NTN1: variants seen among roughly 807,000 people sequenced by gnomAD.
NTN1 encodes the protein netrin 1, also known as netrin-1.
NTN1 carries 11 observed loss-of-function variants against 54.2 expected under a neutral mutation model. That is an observed-to-expected ratio of 0.20 (90% CI 0.13 to 0.34). The LOEUF is 0.34. NTN1 is among the 10% of genes least tolerant of loss of function. The probability of loss-of-function intolerance (pLI) is 1.00; values close to 1 mark genes in which losing one functional copy is unlikely to be tolerated. For missense variants in NTN1, 740 were observed against 893.1 expected, an observed-to-expected ratio of 0.83 and a Z score of 2.18; for synonymous variants, 371 against 382.0, an observed-to-expected ratio of 0.97 and a Z score of 0.33.
At chr17:9,105,028 G>A (rs1389315362) in intron 2 of NTN1, among the ~76,000 whole-genome samples, 2 of 152,172 alleles carry the variant, frequency 1.3e-5, no homozygotes, top group African/African-American at 4.8e-5. Context: ...GTGGGAGCAG[G>A]CTGCTGGCCA....
chr17:9,167,450 C>T (rs140902614), intron 3 of NTN1, among the ~76,000 whole-genome samples: 3 of 152,228 alleles, frequency 2.0e-5, no homozygotes, highest in East Asian at 1.9e-4. Context: ...TCCCGTGAAC[C>T]GAATTGTGAT....
intron 2 of NTN1, among the ~76,000 whole-genome samples, chr17:9,054,817 G>A (rs952361643): frequency 2.0e-5 from 3 of 152,142 alleles, no homozygotes; most frequent in African/African-American, 4.8e-5. Context: ...CACAGCGAAA[G>A]CTTTGGGATG....
At chr17:9,081,239 C>T (rs1167872207) in intron 2 of NTN1, among the ~76,000 whole-genome samples, 3 of 152,164 alleles carry the variant, frequency 2.0e-5, no homozygotes, top group Non-Finnish European at 4.4e-5. Flanking sequence ...AAAAAATTCC[C>T]TCACACTTCT....
rs1434445705 is a variant in NTN1 at position 9,239,114 on chromosome 17, A to T, written c.1487-526A>T. ...GGGCTCTGGAAAAGGCACTACGGCC[A>T]CCCCAAAGGGTGGGTTCTCATCTTC... On this transcript the variant is annotated intron_variant, in intron 6 of 6. Transcript: ENST00000173229. The surrounding 1 kb of genome is among the most constrained non-coding windows in gnomAD (Gnocchi z 5.2). 6.6e-6 allele frequency among the ~76,000 whole-genome samples: 1 copy of T among 152,164 alleles called. No individual in the cohort carries two copies. The highest frequency in any genetic ancestry group is 1.5e-5 in the Non-Finnish European group (1 of 68,018).
chr17:9,223,662 G>T (rs1204266707), intron 6 of NTN1, among the ~76,000 whole-genome samples: 2 of 152,198 alleles, frequency 1.3e-5, no homozygotes, highest in African/African-American at 2.4e-5. Context: ...TGGGCCATGG[G>T]GCAGGCCTCT....
At chr17:9,234,372 G>A (rs1395960302) in intron 6 of NTN1, among the ~76,000 whole-genome samples, 2 of 152,220 alleles carry the variant, frequency 1.3e-5, no homozygotes, top group Admixed American at 6.5e-5. Context: ...CTGCACAGAC[G>A]AGGGGTGGCC....
intron 2 of NTN1, among the ~76,000 whole-genome samples, chr17:9,024,646 A>G (rs1597461500): frequency 6.6e-6 from 1 of 152,286 alleles, no homozygotes; most frequent in East Asian, 1.9e-4. Flanking sequence ...GAGCAAGGGA[A>G]TGGAAAACAT....
At chr17:9,130,947 G>T (rs1277092477) in intron 2 of NTN1, among the ~76,000 whole-genome samples, 1 of 152,186 alleles carries the variant, frequency 6.6e-6, no homozygotes, top group Non-Finnish European at 1.5e-5. Context: ...ACACCAGGGA[G>T]TTTGCTCTGT....
intron 2 of NTN1, among the ~76,000 whole-genome samples, chr17:9,114,166 A>AAAAAAAAAAATATATATATATATAT (rs1555569108): frequency 1.3e-5 from 1 of 74,658 alleles, no homozygotes; most frequent in Non-Finnish European, 2.5e-5. Flanking sequence ...AAAAAAAAAA[A>AAAAAAAAAAATATATATATATATAT]ATATATATAT....
chr17:9,032,867 G>A (rs945186237), intron 2 of NTN1, among the ~76,000 whole-genome samples: 18 of 152,078 alleles, frequency 1.2e-4, no homozygotes, highest in African/African-American at 4.1e-4. Flanking sequence ...GCTCAGAACC[G>A]GGAGAGAATT....
At chr17:9,205,518 G>T (rs1201164457) in intron 5 of NTN1, among the ~76,000 whole-genome samples, 1 of 152,234 alleles carries the variant, frequency 6.6e-6, no homozygotes, top group Non-Finnish European at 1.5e-5. Flanking sequence ...TCCTAGCTAC[G>T]TGGGAGGCTA....
At chr17:9,183,397 T>TG in intron 5 of NTN1, 1 of 450,138 alleles carries the variant, frequency 2.2e-6, no homozygotes, top group South Asian at 1.7e-5. Context: ...GAGCTGGGCG[T>TG]GGGGGAGAAT....
intron 2 of NTN1, among the ~76,000 whole-genome samples, chr17:9,109,493 A>G (rs771811184): frequency 6.6e-6 from 1 of 152,234 alleles, no homozygotes; most frequent in Non-Finnish European, 1.5e-5. Context: ...TATGGTTGCC[A>G]TGCCATTGTA....
At chr17:9,023,609 A>T (rs2091860954) in intron 2 of NTN1, among the ~76,000 whole-genome samples, 1 of 152,270 alleles carries the variant, frequency 6.6e-6, no homozygotes, top group Admixed American at 6.5e-5. Context: ...CTGCGAAGCC[A>T]AGAAGCAGCA....
intron 2 of NTN1, among the ~76,000 whole-genome samples, chr17:9,120,206 A>T (rs903396766): frequency 6.7e-6 from 1 of 149,004 alleles, no homozygotes; most frequent in Admixed American, 6.8e-5. Context: ...AATGGCATGA[A>T]CCCGGGAGGC....
chr17:9,096,940 C>G (rs1225908309), intron 2 of NTN1, among the ~76,000 whole-genome samples: 1 of 152,200 alleles, frequency 6.6e-6, no homozygotes, highest in Non-Finnish European at 1.5e-5. Context: ...TTCTGTCATA[C>G]AGTCATACCA....
intron 2 of NTN1, among the ~76,000 whole-genome samples, chr17:9,042,355 C>T (rs1412173650): frequency 3.3e-5 from 5 of 151,224 alleles, no homozygotes; most frequent in Non-Finnish European, 7.4e-5. Flanking sequence ...TGTGATGGCG[C>T]GCCTCTCTAG....
rs1055750238 is a variant in NTN1, at chr17:9,022,162, C to T, written c.-63-149C>T. On this transcript the variant is annotated intron_variant, in intron 1 of 6. Coordinates refer to ENST00000173229, the MANE Select transcript of NTN1 (RefSeq NM_004822.3). ...CTTGGAGGGCCCCGGCTTCGCCGCC[C>T]GCGGGACTTTGGGGGAGAGAGGCGG... 5.4e-4 allele frequency: 269 copies of T among 498,540 alleles called. 1 individual carries two copies. Among genetic ancestry groups the T allele is most frequent in the Middle Eastern group, 1.8e-3 (3 of 1,708 alleles). 30.9% of individuals were successfully genotyped at this position (498,540 alleles called of 1,614,324 possible). A position where few individuals can be genotyped will look rare whatever the true frequency, so the allele number is the denominator to read the frequency against.
the NTN1 span, among the ~76,000 whole-genome samples, chr17:9,004,942 G>C: frequency 7.2e-5 from 11 of 152,168 alleles, no homozygotes; most frequent in Admixed American, 5.9e-4. Context: ...TGGAATCTCC[G>C]TACTACTCAT....
Sources: allele counts gnomAD v4.1 joint callset (sites outside exome capture counted in the v4.1 genomes callset), GRCh38; gene constraint gnomAD v4.1.1; non-coding constraint Gnocchi (gnomAD v3.1); transcripts MANE v1.5; gene names NCBI Gene and HGNC (gene_info 2026-07-23, HGNC 2026-07-21).